Variants in MCM8 observed in about 807,000 individuals in gnomAD.
MCM8 encodes the protein DNA helicase MCM8.
Under a neutral mutation model 98.9 loss-of-function variants are expected in MCM8, and 85 were observed. That is an observed-to-expected ratio of 0.86 (90% CI 0.72 to 1.03). The LOEUF (loss-of-function observed/expected upper bound fraction) is 1.03, where lower values mean the gene tolerates loss of function less well. Ranked by LOEUF, MCM8 falls within the 50% of genes least tolerant of loss-of-function variation. MCM8 has a pLI of 0.00. For synonymous variants in MCM8, 352 were observed against 338.6 expected, an observed-to-expected ratio of 1.04 and a Z score of -0.44; for missense variants, 951 against 997.8, an observed-to-expected ratio of 0.95 and a Z score of 0.63.
chr20:5,968,473 G>A (rs994343058), intron 10 of MCM8, among the ~76,000 whole-genome samples: 2 of 152,162 alleles, frequency 1.3e-5, no homozygotes, highest in African/African-American at 4.8e-5. Flanking sequence ...GAACCCGGGA[G>A]ATGGAGATTG....
Position 5,985,922 on chromosome 20 carries a change from G to GTA in MCM8, c.1955_1956insAT (p.Val653TrpfsTer7). On this transcript the variant is annotated frameshift_variant and splice_region_variant, in exon 16 of 19. Coordinates refer to ENST00000610722, the MANE Select transcript of MCM8 (RefSeq NM_032485.6). LOFTEE classifies it high-confidence loss of function. ...CTTGGGCCTTTTAATCATGCTTCAG[G>GTA]TGGTTCCTGGAGAAACAATAGATCC... is the stretch of plus-strand genomic sequence containing the variant. 1.9e-6 allele frequency: 3 copies of GTA among 1,613,946 alleles called. No individual in the cohort carries two copies. Among genetic ancestry groups the GTA allele is most frequent in the Non-Finnish European group, 2.5e-6 (3 of 1,179,890 alleles).
rs1375530728 is a variant in MCM8, at chr20:5,984,758, CTTCT to C, written c.1734-15_1734-12del. The C allele has an allele frequency of 1.3e-6, 2 of 1,548,430 alleles. No individual in the cohort carries two copies. The highest frequency in any genetic ancestry group is 2.3e-5 in the East Asian group (1 of 44,238). ...TTCCTTTTGATTCCAATCATTGTTTCTTCTTTCTTTCATCCTTCATAGAATGGGG... is the reference window on the plus strand; with the variant it reads ...TTCCTTTTGATTCCAATCATTGTTTCTTCTTTCATCCTTCATAGAATGGGG... On this transcript the variant is annotated intron_variant, in intron 14 of 18. Coordinates refer to ENST00000610722, the MANE Select transcript of MCM8 (RefSeq NM_032485.6).
intron 6 of MCM8, among the ~76,000 whole-genome samples, chr20:5,957,572 A>G (rs2089020465): frequency 6.6e-6 from 1 of 152,208 alleles, no homozygotes; most frequent in African/African-American, 2.4e-5. Flanking sequence ...AAATGCTCCA[A>G]AATTCAAAAC....
At position 5,995,185 on chromosome 20, in the gene MCM8, A is replaced by G. The variant is rs544281487; in HGVS notation, c.*794A>G. ...AAAATTTTCCCATGTCAAGAATACAAAATACTTGAGTTTTGTTTTTAGCTA... is the reference window on the plus strand; with the variant it reads ...AAAATTTTCCCATGTCAAGAATACAGAATACTTGAGTTTTGTTTTTAGCTA... On this transcript the variant is annotated 3_prime_UTR_variant, in exon 19 of 19. Coordinates refer to ENST00000610722, the MANE Select transcript of MCM8 (RefSeq NM_032485.6). The G allele has an allele frequency of 6.5e-6, 1 of 152,892 alleles. No homozygotes were observed. The highest frequency in any genetic ancestry group is 1.9e-4 in the East Asian group (1 of 5,204). The allele number at this position is 152,892 out of a possible 1,614,324, so 9.5% of individuals were successfully genotyped here.
In MCM8 at chr20:5,997,185, CTTT is replaced by C. The variant is rs71334371; in HGVS notation, c.*2808_*2810del. 20 of 134,858 alleles carry C rather than the reference CTTT, an allele frequency of 1.5e-4. No individual in the cohort carries two copies. The highest frequency in any genetic ancestry group is 8.4e-4 in the East Asian group (4 of 4,776). 8.4% of individuals were successfully genotyped at this position (134,858 alleles called of 1,614,324 possible). On this transcript the variant is annotated 3_prime_UTR_variant, in exon 19 of 19. Coordinates refer to ENST00000610722, the MANE Select transcript of MCM8 (RefSeq NM_032485.6). The stretch of plus-strand genomic sequence containing the variant: ...GAAAGTTTCTTTTTTTTTCTTTTTT[CTTT>C]TTTTTTTTTTTTTGAGACAGAGTTT...
In MCM8 at chr20:5,952,522, T is replaced by C; in HGVS notation, c.247T>C (p.Ser83Pro). The change falls in exon 3 of 19, where the codon TCT becomes CCT. Residue 83 changes from serine to proline, a missense_variant. Physicochemically the swap from Ser to Pro is moderately conservative, Grantham distance 74. Coordinates refer to ENST00000610722, the MANE Select transcript of MCM8 (RefSeq NM_032485.6). ...ATATAAAGGCTGGAAGCTTTATTTC[T>C]CTGAAGGTAGGGTTTAAAAAGTACA... ...IPYKGWKLYFSEVYSDSSPLI... is the reference protein window; with the variant it reads ...IPYKGWKLYFPEVYSDSSPLI... The C allele has an allele frequency of 6.2e-7, 1 of 1,612,866 alleles. No individual in the cohort carries two copies. Among genetic ancestry groups the C allele is most frequent in the Non-Finnish European group, 8.5e-7 (1 of 1,179,184 alleles).
intron 3 of MCM8, among the ~76,000 whole-genome samples, chr20:5,953,390 C>T (rs573811888): frequency 5.9e-5 from 9 of 151,616 alleles, no homozygotes; most frequent in Non-Finnish European, 1.2e-4. Flanking sequence ...AGGGAACTGT[C>T]TTTTTTGTGC....
intron 12 of MCM8, among the ~76,000 whole-genome samples, chr20:5,975,653 C>T (rs2089495194): frequency 1.3e-5 from 2 of 152,004 alleles, no homozygotes; most frequent in South Asian, 4.2e-4. Flanking sequence ...CCCACCACCA[C>T]GCCCGGCTAA....
chr20:5,982,540 T>TCA (rs1211193191), intron 13 of MCM8, among the ~76,000 whole-genome samples: 4 of 152,186 alleles, frequency 2.6e-5, no homozygotes, highest in African/African-American at 9.6e-5. Flanking sequence ...AAGTGTATAG[T>TCA]CAATACCTGG....
At position 5,994,478 on chromosome 20, in the gene MCM8, GACACACACACACACACACACAC is replaced by G. The variant is rs11472210; in HGVS notation, c.*111_*132del. On this transcript the variant is annotated 3_prime_UTR_variant, in exon 19 of 19. Transcript: ENST00000610722. ...ATATGCGTGCACGCACAGACAGACA[GACACACACACACACACACACAC>G]ACACACACACACACACACACACAGT... The G allele has an allele frequency of 1.7e-3, 636 of 384,454 alleles. 6 individuals carry two copies. The highest frequency in any genetic ancestry group is 0.011 in the African/African-American group (487 of 43,272). The allele number at this position is 384,454 out of a possible 1,614,324, so 23.8% of individuals were successfully genotyped here.
chr20:5,984,632 T>C (rs2089692794), intron 14 of MCM8, 149 bp from the exon 15 acceptor site: 2 of 626,468 alleles, frequency 3.2e-6, no homozygotes, highest in Non-Finnish European at 5.6e-6. Flanking sequence ...ATATATCGAA[T>C]CCAAGAAGCT....
intron 3 of MCM8, among the ~76,000 whole-genome samples, 174 bp downstream of exon 3, chr20:5,952,702 A>G (rs888920040): frequency 9.8e-5 from 15 of 152,328 alleles, no homozygotes; most frequent in South Asian, 8.3e-4. Flanking sequence ...ACTTTATATC[A>G]GTCAGGAAAG....
At chr20:5,975,280 CATT>C (rs1272849889) in intron 12 of MCM8, among the ~76,000 whole-genome samples, 6 of 149,732 alleles carry the variant, frequency 4.0e-5, no homozygotes, top group Admixed American at 2.7e-4. Flanking sequence ...AAAAAGAAAA[CATT>C]ATGTTTAGAA....
At chr20:5,990,187 GC>G (rs1236728720) in intron 17 of MCM8, among the ~76,000 whole-genome samples, 1 of 151,902 alleles carries the variant, frequency 6.6e-6, no homozygotes, top group Non-Finnish European at 1.5e-5. Context: ...CGATTCTCCT[GC>G]CTCAGCCTCC....
In MCM8 at chr20:5,958,698, C is replaced by G. The variant is rs774949420; in HGVS notation, c.761C>G (p.Pro254Arg). The G allele has an allele frequency of 3.7e-6, 6 of 1,614,138 alleles. No homozygotes were observed. Among genetic ancestry groups the G allele is most frequent in the Non-Finnish European group, 5.1e-6 (6 of 1,180,012 alleles). ...ACGEIQSFPL[P>R]DGKYSLPTKC... The stretch of plus-strand genomic sequence containing the variant: ...GGAGAAATTCAGAGCTTTCCTCTTC[C>G]AGATGGAAAATACAGTCTTCCCACA... The change falls in exon 7 of 19, where the codon CCA (proline) becomes CGA (arginine). Residue 254 changes from proline to arginine, a missense_variant. Transcript: ENST00000610722.
chr20:5,984,740 T>C lies in MCM8; in HGVS notation c.1734-41T>C, dbSNP rs775439928. ...TAGACAGTTTTCTAGTTTTTCCTTT[T>C]GATTCCAATCATTGTTTCTTCTTTC... is the stretch of plus-strand genomic sequence containing the variant. On this transcript the variant is annotated intron_variant, in intron 14 of 18. Coordinates refer to ENST00000610722, the MANE Select transcript of MCM8 (RefSeq NM_032485.6). 5.9e-6 allele frequency: 9 copies of C among 1,517,864 alleles called. No individual in the cohort carries two copies. The African/African-American group carries it at 1.1e-4, about 19-fold the overall frequency. The allele number at this position is 1,517,864 out of a possible 1,614,324, so 94.0% of individuals were successfully genotyped here.
chr20:5,979,176 C>T (rs1394160536), intron 13 of MCM8, among the ~76,000 whole-genome samples: 1 of 152,190 alleles, frequency 6.6e-6, no homozygotes, highest in Non-Finnish European at 1.5e-5. Flanking sequence ...ACTCCCTCCT[C>T]CTTGAGACCC....
chr20:5,954,753 T>C (rs2088928940), intron 4 of MCM8, 63 bp downstream of exon 4: 1 of 991,708 alleles, frequency 1.0e-6, no homozygotes, highest in Admixed American at 1.8e-5. Flanking sequence ...TTCGAGGTAC[T>C]TGTGATTATG....
chr20:5,968,076 T>C (rs1017502386), intron 10 of MCM8, 51 bp downstream of exon 10: 1 of 1,514,848 alleles, frequency 6.6e-7, no homozygotes, highest in African/African-American at 1.4e-5. Flanking sequence ...TGTTGGGGGT[T>C]CTCTTGGCTA....
Sources: allele counts gnomAD v4.1 joint callset (sites outside exome capture counted in the v4.1 genomes callset), GRCh38; gene constraint gnomAD v4.1.1; transcripts MANE v1.5; gene names NCBI Gene and HGNC (gene_info 2026-07-23, HGNC 2026-07-21).